The following MTPAP variants were observed in gnomAD, a reference collection of about 807,000 sequenced individuals.
MTPAP encodes the protein mitochondrial poly(A) polymerase.
In MTPAP, 23 loss-of-function variants were observed where a neutral mutation model predicts 48.7. That is an observed-to-expected ratio of 0.47 (90% confidence interval 0.34 to 0.67). The LOEUF is 0.67. Ranked by LOEUF, MTPAP falls within the 30% of genes least tolerant of loss-of-function variation. The probability of loss-of-function intolerance (pLI) is 0.01; values close to 1 mark genes in which losing one functional copy is unlikely to be tolerated. For missense variants in MTPAP, 614 were observed against 694.3 expected, an observed-to-expected ratio of 0.88 and a Z score of 1.30; for synonymous variants, 257 against 254.1, an observed-to-expected ratio of 1.01 and a Z score of -0.11.
chr10:30,332,689 ACTAAAAGTTTCTAGG>A (rs1362198039), intron 4 of MTPAP, among the ~76,000 whole-genome samples: 2 of 152,312 alleles, frequency 1.3e-5, no homozygotes, highest in African/African-American at 4.8e-5. Flanking sequence ...GTAAGACTCA[ACTAAAAGTTTCTAGG>A]CCAGGTGCAG....
intron 1 of MTPAP, among the ~76,000 whole-genome samples, chr10:30,346,059 AAGAC>A (rs1834870646): frequency 6.6e-6 from 1 of 151,918 alleles, no homozygotes; most frequent in Admixed American, 6.6e-5. Flanking sequence ...AAAAAAAAAA[AAGAC>A]AGAATACTAT....
At chr10:30,331,758 G>A (rs1289044944) in intron 4 of MTPAP, among the ~76,000 whole-genome samples, 3 of 152,196 alleles carry the variant, frequency 2.0e-5, no homozygotes, top group Non-Finnish European at 2.9e-5. Context: ...GTAGAGACGG[G>A]GTTTCACCAC....
chr10:30,320,247 G>GTAGA (rs1840706104), intron 6 of MTPAP, among the ~76,000 whole-genome samples: 1 of 152,158 alleles, frequency 6.6e-6, no homozygotes, highest in African/African-American at 2.4e-5. Flanking sequence ...TGCCTACAAG[G>GTAGA]TAGAGCACAG....
At chr10:30,315,179 G>A (rs930580964) in intron 8 of MTPAP, among the ~76,000 whole-genome samples, 9 of 150,854 alleles carry the variant, frequency 6.0e-5, no homozygotes, top group East Asian at 3.9e-4. Context: ...AAAGCTTTCC[G>A]AATGAATCCT....
At chr10:30,314,609 A>G (rs950800459) in intron 8 of MTPAP, among the ~76,000 whole-genome samples, 4 of 152,190 alleles carry the variant, frequency 2.6e-5, no homozygotes, top group African/African-American at 9.6e-5. Flanking sequence ...AATAAAAAAG[A>G]TAACTGTAAT....
chr10:30,316,425 T>G (rs1321205808), intron 6 of MTPAP, among the ~76,000 whole-genome samples: 1 of 151,538 alleles, frequency 6.6e-6, no homozygotes, highest in Non-Finnish European at 1.5e-5. Flanking sequence ...GTATTTTTAA[T>G]AGGGATGGGG....
intron 4 of MTPAP, among the ~76,000 whole-genome samples, chr10:30,333,493 C>T (rs2132860417): frequency 6.6e-6 from 1 of 152,280 alleles, no homozygotes; most frequent in Non-Finnish European, 1.5e-5. Flanking sequence ...TAAACCATTA[C>T]AACACACTGT....
chr10:30,336,911 G>A lies in MTPAP; in HGVS notation c.672C>T (p.Asp224=). ...IEDMAAAYFP[D]CIVRPFGSSV... is the part of the protein sequence containing the mutation. ...AGGAGCCAAAGGGTCTGACTATGCAGTCTGGAAAATACGCGGCGGCCATGT... is the reference window on the plus strand; with the variant it reads ...AGGAGCCAAAGGGTCTGACTATGCAATCTGGAAAATACGCGGCGGCCATGT... The change falls in exon 4 of 9, where the codon GAC becomes GAT. Residue 224 remains aspartate (D), a synonymous_variant. Coordinates refer to ENST00000263063, the MANE Select transcript of MTPAP (RefSeq NM_018109.4). 6.2e-7 allele frequency: 1 copy of A among 1,613,290 alleles called. No individual in the cohort carries two copies. Among genetic ancestry groups the A allele is most frequent in the Non-Finnish European group, 8.5e-7 (1 of 1,179,962 alleles).
intron 1 of MTPAP, 28 bp downstream of exon 1, chr10:30,349,091 G>A (rs983160747): frequency 9.3e-6 from 15 of 1,613,508 alleles, no homozygotes; most frequent in African/African-American, 1.3e-5. Flanking sequence ...CTGTGGGACG[G>A]AACTACAGGG....
intron 6 of MTPAP, among the ~76,000 whole-genome samples, chr10:30,319,319 T>C (rs1840695689): frequency 6.6e-6 from 1 of 152,190 alleles, no homozygotes. Context: ...CTGGAAGGTA[T>C]TCTAGGAATT....
intron 1 of MTPAP, among the ~76,000 whole-genome samples, chr10:30,345,763 T>C (rs1446153685): frequency 1.3e-5 from 2 of 152,154 alleles, no homozygotes; most frequent in African/African-American, 4.8e-5. Flanking sequence ...AATGACTGAA[T>C]AGGCCAGGTG....
Position 30,341,557 on chromosome 10 carries a change from G to A in MTPAP, c.241C>T (p.His81Tyr). ...REQAQRTVLI[H>Y]CPEKISENKF... Reference sequence around the variant, plus strand: ...TTTTCACTGATTTTCTCTGGGCAATGTATTAAAACAGTCCGCTGTGCCTGT... The same window carrying A: ...TTTTCACTGATTTTCTCTGGGCAATATATTAAAACAGTCCGCTGTGCCTGT... Residue 81 changes from histidine (H) to tyrosine (Y), a missense_variant, in exon 2 of 9, where the codon CAT becomes TAT. His to Tyr is a moderately conservative substitution (Grantham distance 83). This residue lies in a region of MTPAP where 125 missense variants were observed against 111.5 expected (regional missense o/e 1.12). Coordinates refer to ENST00000263063, the MANE Select transcript of MTPAP (RefSeq NM_018109.4). The A allele has an allele frequency of 1.2e-6, 2 of 1,614,154 alleles. No homozygotes were observed. The highest frequency in any genetic ancestry group is 1.7e-6 in the Non-Finnish European group (2 of 1,179,998).
At chr10:30,338,818 G>A (rs1312968697) in intron 3 of MTPAP, among the ~76,000 whole-genome samples, 1 of 152,070 alleles carries the variant, frequency 6.6e-6, no homozygotes, top group Admixed American at 6.5e-5. Flanking sequence ...GGTCTGGCAA[G>A]TCTGAGTAAG....
intron 4 of MTPAP, among the ~76,000 whole-genome samples, chr10:30,333,352 G>A (rs1834693288): frequency 6.6e-6 from 1 of 152,152 alleles, no homozygotes; most frequent in Non-Finnish European, 1.5e-5. Flanking sequence ...TATGAGATAT[G>A]TGCTATAACA....
rs1840619005 is a variant in MTPAP at position 30,313,269 on chromosome 10, A to AT, written c.*339dup. On this transcript the variant is annotated 3_prime_UTR_variant, in exon 9 of 9. Coordinates refer to ENST00000263063, the MANE Select transcript of MTPAP (RefSeq NM_018109.4). Reference sequence around the variant, plus strand: ...TTCCTTGTGGCTTATGTTTATTTTCATTTTTTTTAGAGATGGAATCTTGCT... The same window carrying AT: ...TTCCTTGTGGCTTATGTTTATTTTCATTTTTTTTTAGAGATGGAATCTTGCT... The AT allele has an allele frequency of 9.6e-5, 25 of 259,934 alleles. No individual in the cohort carries two copies. The highest frequency in any genetic ancestry group is 1.3e-3 in the Middle Eastern group (1 of 770). The allele number at this position is 259,934 out of a possible 1,614,324, so 16.1% of individuals were successfully genotyped here.
At chr10:30,342,032 A>T (rs1309995957) in intron 1 of MTPAP, among the ~76,000 whole-genome samples, 2 of 152,140 alleles carry the variant, frequency 1.3e-5, no homozygotes, top group African/African-American at 4.8e-5. Context: ...TGAGGCCAGG[A>T]GTTCGAGATC....
intron 6 of MTPAP, among the ~76,000 whole-genome samples, chr10:30,320,087 T>C (rs971285483): frequency 6.6e-6 from 1 of 152,136 alleles, no homozygotes; most frequent in Non-Finnish European, 1.5e-5. Context: ...TAAGACACCA[T>C]GTCTACAAAA....
chr10:30,341,876 T>C (rs1834812069), intron 1 of MTPAP, among the ~76,000 whole-genome samples: 1 of 152,190 alleles, frequency 6.6e-6, no homozygotes, highest in Non-Finnish European at 1.5e-5. Flanking sequence ...GCCCTATATA[T>C]ACAATGTTTT....
intron 1 of MTPAP, among the ~76,000 whole-genome samples, chr10:30,347,419 G>T (rs1040243965): frequency 6.6e-6 from 1 of 152,160 alleles, no homozygotes; most frequent in African/African-American, 2.4e-5. Context: ...TGAGTATAAG[G>T]TGTACTTAAC....
Sources: allele counts gnomAD v4.1 joint callset (sites outside exome capture counted in the v4.1 genomes callset), GRCh38; gene constraint gnomAD v4.1.1; regional missense constraint gnomAD v4.1.1; transcripts MANE v1.5; gene names NCBI Gene and HGNC (gene_info 2026-07-23, HGNC 2026-07-21).